AGBL4: variants seen among roughly 807,000 people sequenced by gnomAD.
AGBL4 encodes the protein cytosolic carboxypeptidase 6.
In AGBL4, 58 loss-of-function variants were observed where a neutral mutation model predicts 66.4. The ratio of observed to expected loss-of-function variants is 0.87; its 90% CI spans 0.71 to 1.09. The LOEUF is 1.09. Ranked by LOEUF, AGBL4 falls within the 50% of genes least tolerant of loss-of-function variation. The pLI, the probability that AGBL4 is intolerant of heterozygous loss-of-function variation, is 0.00. For missense variants in AGBL4, 579 were observed against 631.0 expected (o/e 0.92, Z 0.88); for synonymous variants, 234 against 222.9 (o/e 1.05, Z -0.44).
chr1:49,738,354 G>A (rs1297389638), intron 2 of AGBL4, among the ~76,000 whole-genome samples: 1 of 152,202 alleles, frequency 6.6e-6, no homozygotes, highest in Non-Finnish European at 1.5e-5. Context: ...AGCAAGGCTG[G>A]GGGAGGGGCG....
chr1:49,937,431 C>T (rs979914165), intron 1 of AGBL4, among the ~76,000 whole-genome samples: 97 of 151,928 alleles, frequency 6.4e-4, no homozygotes, highest in Non-Finnish European at 6.2e-4. Context: ...GACAGATCAA[C>T]GAGACAGAAA....
chr1:48,811,517 C>A (rs1646049038), intron 6 of AGBL4, among the ~76,000 whole-genome samples: 1 of 152,226 alleles, frequency 6.6e-6, no homozygotes, highest in Admixed American at 6.5e-5. Context: ...AGATCTGATT[C>A]TCACTTTACC....
intron 3 of AGBL4, among the ~76,000 whole-genome samples, chr1:49,322,045 A>G (rs993020221): frequency 1.3e-5 from 2 of 152,238 alleles, no homozygotes; most frequent in Non-Finnish European, 2.9e-5. Flanking sequence ...ACCCAGGTTA[A>G]TCCTGGTTAT....
intron 5 of AGBL4, among the ~76,000 whole-genome samples, chr1:48,912,001 C>T (rs1215852452): frequency 6.6e-6 from 1 of 152,126 alleles, no homozygotes; most frequent in East Asian, 1.9e-4. Flanking sequence ...GGGCAGAGAT[C>T]ATTTCTCATT....
intron 3 of AGBL4, among the ~76,000 whole-genome samples, chr1:49,490,797 T>A (rs2148742892): frequency 6.6e-6 from 1 of 151,862 alleles, no homozygotes; most frequent in Non-Finnish European, 1.5e-5. Context: ...ATTACATACT[T>A]CTTGCAAGTT....
At chr1:49,304,694 C>G (rs1039709392) in intron 3 of AGBL4, among the ~76,000 whole-genome samples, 1 of 152,030 alleles carries the variant, frequency 6.6e-6, no homozygotes, top group South Asian at 2.1e-4. Context: ...TGTGTAATGG[C>G]AATATCATAT....
Position 49,438,948 on chromosome 1 carries a change from G to C in AGBL4, c.283-193084C>G, listed in dbSNP as rs1192509889. On this transcript the variant is annotated intron_variant, in intron 3 of 13. Transcript: ENST00000371839. ...CACACAGTAGAAGGTGAGAGATCAA[G>C]AACAGGCTGTTACTGATCCCATCTA... is the stretch of plus-strand genomic sequence containing the variant. Among the ~76,000 whole-genome samples, 7 of 152,318 alleles carry C rather than the reference G, an allele frequency of 4.6e-5. No homozygotes were observed. The East Asian group carries it at 1.4e-3, about 29-fold the overall frequency.
chr1:49,253,889 C>T (rs1652268896), intron 3 of AGBL4, among the ~76,000 whole-genome samples: 1 of 152,100 alleles, frequency 6.6e-6, no homozygotes, highest in African/African-American at 2.4e-5. Context: ...TGTGATTCAT[C>T]ACATAAACTG....
intron 4 of AGBL4, among the ~76,000 whole-genome samples, chr1:49,128,285 G>A (rs1276272212): frequency 6.6e-6 from 1 of 151,778 alleles, no homozygotes; most frequent in African/African-American, 2.4e-5. Context: ...TATATTGGAA[G>A]GTTAAATATT....
At chr1:49,713,720 T>A (rs1647851348) in intron 2 of AGBL4, among the ~76,000 whole-genome samples, 1 of 152,094 alleles carries the variant, frequency 6.6e-6, no homozygotes, top group Non-Finnish European at 1.5e-5. Flanking sequence ...TTAGGATAAT[T>A]CTTTGCAGAA....
intron 3 of AGBL4, among the ~76,000 whole-genome samples, chr1:49,496,924 T>A (rs1478081242): frequency 6.6e-6 from 1 of 152,028 alleles, no homozygotes; most frequent in African/African-American, 2.4e-5. Context: ...AATTCTAGTT[T>A]TAATTTTTTG....
At chr1:49,802,796 C>G (rs1644893854) in intron 2 of AGBL4, among the ~76,000 whole-genome samples, 1 of 152,178 alleles carries the variant, frequency 6.6e-6, no homozygotes. Flanking sequence ...ACCTGCCTAT[C>G]CATCCGCCTG....
intron 2 of AGBL4, among the ~76,000 whole-genome samples, chr1:49,733,185 C>A (rs1649589640): frequency 6.6e-6 from 1 of 152,058 alleles, no homozygotes; most frequent in Admixed American, 6.6e-5. Flanking sequence ...TATAACCACC[C>A]AACTATCCTT....
intron 4 of AGBL4, among the ~76,000 whole-genome samples, chr1:49,129,611 A>G (rs1369592210): frequency 1.3e-5 from 2 of 151,664 alleles, no homozygotes; most frequent in South Asian, 2.1e-4. Context: ...ATGATTTCCA[A>G]TTTCATCCAT....
At chr1:48,674,484 C>T (rs1446434482) in intron 6 of AGBL4, among the ~76,000 whole-genome samples, 1 of 139,208 alleles carries the variant, frequency 7.2e-6, no homozygotes, top group Non-Finnish European at 1.5e-5. Context: ...ACAGAGAGGC[C>T]ACAGAATGCT....
chr1:49,923,976 C>G (rs1652517105), intron 1 of AGBL4, among the ~76,000 whole-genome samples: 1 of 152,066 alleles, frequency 6.6e-6, no homozygotes, highest in Admixed American at 6.5e-5. Flanking sequence ...GAGTATATAC[C>G]CAAACGAATA....
intron 2 of AGBL4, chr1:49,842,495 CT>C: frequency 1.0e-6 from 1 of 971,484 alleles, no homozygotes; most frequent in Non-Finnish European, 1.2e-6. Flanking sequence ...ACTACTCAGT[CT>C]TAATTCTTCA....
chr1:48,989,776 T>C (rs570904697), intron 5 of AGBL4, among the ~76,000 whole-genome samples: 2 of 152,350 alleles, frequency 1.3e-5, no homozygotes, highest in East Asian at 1.9e-4. Flanking sequence ...CATTCATCTG[T>C]TGATGGACAC....
At chr1:49,505,194 A>G (rs1648567892) in intron 3 of AGBL4, among the ~76,000 whole-genome samples, 1 of 151,994 alleles carries the variant, frequency 6.6e-6, no homozygotes, top group Non-Finnish European at 1.5e-5. Context: ...ATCCCTTAAA[A>G]AGTATTGTAG....
Sources: gnomAD v4.1 joint callset for allele counts (sites outside exome capture counted in the v4.1 genomes callset) on GRCh38, gnomAD v4.1.1 for gene constraint, MANE v1.5 for transcripts, NCBI Gene and HGNC (gene_info 2026-07-23, HGNC 2026-07-21) for gene names.